PCDHA9: variants seen among roughly 807,000 people sequenced by gnomAD.
PCDHA9 encodes the protein protocadherin alpha-9.
Under a neutral mutation model 62.0 loss-of-function variants are expected in PCDHA9, and 62 were observed. The ratio of observed to expected loss-of-function variants is 1.00; its 90% CI spans 0.81 to 1.23. PCDHA9 has a LOEUF of 1.23. Among genes scored for constraint, PCDHA9 ranks in the 50% most tolerant of loss-of-function variants. The pLI is 0.00. For synonymous variants in PCDHA9, 557 were observed against 567.6 expected (o/e 0.98, Z 0.27); for missense variants, 1,205 against 1,249.8 (o/e 0.96, Z 0.54).
Position 140,912,620 on chromosome 5 carries a change from G to A in PCDHA9, c.2394+61731G>A, listed in dbSNP as rs149952916. Among the ~76,000 whole-genome samples the A allele has an allele frequency of 2.6e-3, 391 of 152,154 alleles. 2 individuals carry two copies. The highest frequency in any genetic ancestry group is 9.2e-3 in the African/African-American group (380 of 41,510). ...TTTCTTCCTCTTGTCTGATTACTCT[G>A]GATGAGACTTTCAGTACTATGTTGA... On this transcript the variant is annotated intron_variant, in intron 1 of 3. Coordinates refer to ENST00000532602, the MANE Select transcript of PCDHA9 (RefSeq NM_031857.2).
At chr5:140,986,019 G>A (rs562523452) in intron 3 of PCDHA9, among the ~76,000 whole-genome samples, 66 of 152,154 alleles carry the variant, frequency 4.3e-4, no homozygotes, top group Middle Eastern at 3.4e-3. Flanking sequence ...GATTACAGGC[G>A]TGAGCCACTG....
At chr5:140,949,005 A>G (rs1554218775) in intron 1 of PCDHA9, among the ~76,000 whole-genome samples, 1 of 151,654 alleles carries the variant, frequency 6.6e-6, no homozygotes, top group African/African-American at 2.4e-5. Context: ...ACTAATTTTT[A>G]TATGTGATGT....
intron 1 of PCDHA9, among the ~76,000 whole-genome samples, chr5:140,959,052 A>C (rs992294371): frequency 3.3e-5 from 5 of 152,078 alleles, no homozygotes; most frequent in Admixed American, 6.6e-5. Context: ...ATAGGAAAAA[A>C]TGCAGTATAT....
chr5:141,002,095 C>G (rs1341792848), intron 3 of PCDHA9, among the ~76,000 whole-genome samples: 1 of 152,234 alleles, frequency 6.6e-6, no homozygotes, highest in Non-Finnish European at 1.5e-5. Flanking sequence ...AGTCCAGGGG[C>G]TGGGCCGGAA....
At chr5:140,918,252 C>T (rs931753296) in intron 1 of PCDHA9, among the ~76,000 whole-genome samples, 1 of 152,078 alleles carries the variant, frequency 6.6e-6, no homozygotes, top group East Asian at 1.9e-4. Context: ...TATGCTGAAA[C>T]TTTGCTGGAG....
chr5:140,858,871 T>A (rs1000901337), intron 1 of PCDHA9: 6 of 248,826 alleles, frequency 2.4e-5, no homozygotes, highest in African/African-American at 1.2e-4. Context: ...TGAAAATGTG[T>A]TTTCCTCCAT....
At chr5:140,908,470 G>C (rs2073991280) in intron 1 of PCDHA9, among the ~76,000 whole-genome samples, 1 of 152,186 alleles carries the variant, frequency 6.6e-6, no homozygotes, top group Non-Finnish European at 1.5e-5. Flanking sequence ...AAAGCACCCA[G>C]TTCATGATAG....
chr5:140,978,037 A>G (rs1260035731), intron 1 of PCDHA9, among the ~76,000 whole-genome samples: 12 of 152,322 alleles, frequency 7.9e-5, no homozygotes, highest in African/African-American at 2.4e-4. Flanking sequence ...GATACAAGAC[A>G]GTGATGGTGA....
rs370640529 is a variant in PCDHA9, at chr5:140,968,552, C to G, written c.2395-10397C>G. 5 of 1,614,184 alleles carry G rather than the reference C, an allele frequency of 3.1e-6. No homozygotes were observed. The East Asian group carries it at 1.1e-4, about 36-fold the overall frequency. ...GTCAGCAGCCTTCGAGATGGTGCCT[C>G]GAACTGCCCCTGCTGGCTACCTGGT... On this transcript the variant is annotated intron_variant, in intron 1 of 3. Coordinates refer to ENST00000532602, the MANE Select transcript of PCDHA9 (RefSeq NM_031857.2).
chr5:140,851,018 A>G (rs1389465492), intron 1 of PCDHA9, 129 bp downstream of exon 1: 4 of 1,432,904 alleles, frequency 2.8e-6, no homozygotes, highest in South Asian at 1.7e-5. Context: ...TTTTTCTGAT[A>G]AAGTAAACCC....
intron 1 of PCDHA9, chr5:140,858,119 C>T (rs1444406371): frequency 4.4e-6 from 7 of 1,597,808 alleles, no homozygotes; most frequent in South Asian, 1.1e-5. Flanking sequence ...CGAGGTGGCC[C>T]TGGTGGATGT....
chr5:140,953,443 A>G (rs1434216967), intron 1 of PCDHA9, among the ~76,000 whole-genome samples: 1 of 152,078 alleles, frequency 6.6e-6, no homozygotes, highest in Non-Finnish European at 1.5e-5. Flanking sequence ...TGGAGAAACT[A>G]GGGATTATCT....
At chr5:140,893,204 G>A (rs1207669882) in intron 1 of PCDHA9, among the ~76,000 whole-genome samples, 1 of 152,244 alleles carries the variant, frequency 6.6e-6, no homozygotes, top group African/African-American at 2.4e-5. Context: ...GCTGCAGTAA[G>A]TATGGGAGGT....
chr5:140,940,450 A>G (rs1279490375), intron 1 of PCDHA9, among the ~76,000 whole-genome samples: 1 of 151,884 alleles, frequency 6.6e-6, no homozygotes, highest in Non-Finnish European at 1.5e-5. Flanking sequence ...GATATTTTTT[A>G]TAGGTTTCTG....
At chr5:140,967,978 G>A in intron 1 of PCDHA9, 5 of 1,614,206 alleles carry the variant, frequency 3.1e-6, no homozygotes, top group Non-Finnish European at 3.4e-6. Flanking sequence ...GCCTGGGTCT[G>A]GAGGCCACAC....
At chr5:140,960,446 T>C (rs1563310715) in intron 1 of PCDHA9, among the ~76,000 whole-genome samples, 2 of 152,204 alleles carry the variant, frequency 1.3e-5, no homozygotes, top group African/African-American at 4.8e-5. Context: ...GATATATGTA[T>C]GGATAATTTT....
intron 1 of PCDHA9, chr5:140,881,180 T>C: frequency 6.0e-6 from 1 of 167,460 alleles, no homozygotes; most frequent in Non-Finnish European, 1.2e-5. Context: ...TTTTCCTTGC[T>C]AAAGATATGT....
intron 1 of PCDHA9, among the ~76,000 whole-genome samples, chr5:140,920,419 T>C (rs1282192714): frequency 6.6e-6 from 1 of 152,232 alleles, no homozygotes. Flanking sequence ...GATACAGCTG[T>C]TCTCCCACAC....
At chr5:140,991,919 A>T (rs185947527) in intron 3 of PCDHA9, among the ~76,000 whole-genome samples, 96 of 152,274 alleles carry the variant, frequency 6.3e-4, no homozygotes, top group Admixed American at 1.2e-3. Flanking sequence ...GCCATGTAAC[A>T]TAACATATTC....
Sources: allele counts gnomAD v4.1 joint callset (sites outside exome capture counted in the v4.1 genomes callset), GRCh38; gene constraint gnomAD v4.1.1; transcripts MANE v1.5; gene names NCBI Gene and HGNC (gene_info 2026-07-23, HGNC 2026-07-21).